ZNF727: variants seen among roughly 807,000 people sequenced by gnomAD.
ZNF727 encodes zinc finger protein 727.
Under a neutral mutation model 11.5 loss-of-function variants are expected in ZNF727, and 11 were observed. That is an observed-to-expected ratio of 0.95 (90% confidence interval 0.60 to 1.58). ZNF727 has a LOEUF of 1.58. Ranked by LOEUF, ZNF727 falls within the 40% of genes most tolerant of loss-of-function variation. The pLI, the probability that ZNF727 is intolerant of heterozygous loss-of-function variation, is 0.00. For synonymous variants in ZNF727, 171 were observed against 196.1 expected (o/e 0.87, Z 1.07); for missense variants, 533 against 581.7 (o/e 0.92, Z 0.86).
intron 1 of ZNF727, among the ~76,000 whole-genome samples, chr7:64,056,901 G>A (rs10238001): frequency 0.64 from 96,870 of 151,838 alleles, 31,669 homozygotes; most frequent in Non-Finnish European, 0.71. Flanking sequence ...GCAAACCACA[G>A]TTTTGCTCTG....
chr7:64,079,038 A>G lies in ZNF727; in HGVS notation c.*489A>G, dbSNP rs61734893. On this transcript the variant is annotated 3_prime_UTR_variant, in exon 4 of 4. Transcript: ENST00000456806. ...TTTACCTACTCCTCAATCCTTATTA[A>G]CCACAAGAGAATTCATATGGAAGAG... Among the ~76,000 whole-genome samples the G allele has an allele frequency of 0.026, 3,970 of 152,112 alleles. 129 individuals are homozygous for G. The highest frequency in any genetic ancestry group is 0.11 in the South Asian group (540 of 4,812).
At chr7:64,056,735 T>C (rs563915618) in intron 1 of ZNF727, among the ~76,000 whole-genome samples, 29 of 152,304 alleles carry the variant, frequency 1.9e-4, no homozygotes, top group African/African-American at 6.5e-4. Flanking sequence ...TCTTTCTGTT[T>C]ACTCTTTACA....
intron 1 of ZNF727, among the ~76,000 whole-genome samples, chr7:64,047,625 C>T (rs1789529462): frequency 6.6e-6 from 1 of 152,112 alleles, no homozygotes; most frequent in Non-Finnish European, 1.5e-5. Flanking sequence ...TGGGTCATCT[C>T]CTTTCAGAGA....
chr7:64,048,882 C>T (rs4621679), intron 1 of ZNF727, among the ~76,000 whole-genome samples: 101,344 of 151,994 alleles, frequency 0.67, 34,233 homozygotes, highest in Admixed American at 0.73. Flanking sequence ...TTTTTTCAAA[C>T]AGAATCTTCA....
At position 64,084,205 on chromosome 7, in the gene ZNF727, G is replaced by C. The variant is rs544046989; in HGVS notation, c.*5656G>C. On this transcript the variant is annotated 3_prime_UTR_variant, in exon 4 of 4. Transcript: ENST00000456806. ...TAAGTGACAGGGTGATAGAAGTGTG[G>C]TAAGTGATTAGGATAATATTCTGCA... 2.1e-4 allele frequency among the ~76,000 whole-genome samples: 32 copies of C among 152,256 alleles called. No homozygotes were observed. The highest frequency in any genetic ancestry group is 7.0e-4 in the African/African-American group (29 of 41,566).
At chr7:64,066,480 G>T (rs1468004843) in intron 1 of ZNF727, among the ~76,000 whole-genome samples, 1 of 132,732 alleles carries the variant, frequency 7.5e-6, no homozygotes, top group African/African-American at 3.0e-5. Context: ...CAGAACAGAG[G>T]CCTCAGAAAT....
In ZNF727 at chr7:64,079,782, T is replaced by C. The variant is rs968911769; in HGVS notation, c.*1233T>C. ...GTGGTTTGTGTACTTTAGTGTGTTT[T>C]TGTAGTGACTGTTTATAGTCTTTTT... is the stretch of plus-strand genomic sequence containing the variant. On this transcript the variant is annotated 3_prime_UTR_variant, in exon 4 of 4. Transcript: ENST00000456806. 1.3e-5 allele frequency among the ~76,000 whole-genome samples: 2 copies of C among 152,216 alleles called. No individual in the cohort carries two copies. The highest frequency in any genetic ancestry group is 2.9e-5 in the Non-Finnish European group (2 of 68,034).
chr7:64,074,733 A>C (rs13240248), intron 3 of ZNF727, among the ~76,000 whole-genome samples: 94,486 of 151,978 alleles, frequency 0.62, 30,058 homozygotes, highest in Non-Finnish European at 0.68. Flanking sequence ...TTTTAGTAGG[A>C]ACTAAGCTTA....
Position 64,081,835 on chromosome 7 carries a change from C to T in ZNF727, c.*3286C>T, listed in dbSNP as rs1039682435. 2.0e-5 allele frequency among the ~76,000 whole-genome samples: 3 copies of T among 152,192 alleles called. No individual in the cohort carries two copies. Among genetic ancestry groups the T allele is most frequent in the Non-Finnish European group, 4.4e-5 (3 of 68,044 alleles). Reference sequence around the variant, plus strand: ...AATGGCCGTCAATGGCCACACTCTACTACAGGTGCTCTTGCACTAAACCCT... The same window carrying T: ...AATGGCCGTCAATGGCCACACTCTATTACAGGTGCTCTTGCACTAAACCCT... On this transcript the variant is annotated 3_prime_UTR_variant, in exon 4 of 4. Coordinates refer to ENST00000456806, the MANE Select transcript of ZNF727 (RefSeq NM_001159522.3).
chr7:64,053,357 G>C (rs145915494), intron 1 of ZNF727, among the ~76,000 whole-genome samples: 2,897 of 152,204 alleles, frequency 0.019, 40 homozygotes, highest in Non-Finnish European at 0.033. Flanking sequence ...ATCTCACTCT[G>C]TCCCCCAGGC....
chr7:64,066,104 A>T (rs57587609), intron 1 of ZNF727, among the ~76,000 whole-genome samples: 2 of 152,302 alleles, frequency 1.3e-5, no homozygotes, highest in East Asian at 3.9e-4. Flanking sequence ...AATAAAAAAT[A>T]ATTAGAAGAG....
intron 1 of ZNF727, among the ~76,000 whole-genome samples, chr7:64,059,580 G>A (rs1296394793): frequency 2.6e-5 from 4 of 152,270 alleles, no homozygotes; most frequent in South Asian, 4.1e-4. Context: ...CAGATTAACA[G>A]TTCTTCATAA....
At chr7:64,063,737 G>T (rs745864049) in intron 1 of ZNF727, among the ~76,000 whole-genome samples, 1 of 152,214 alleles carries the variant, frequency 6.6e-6, no homozygotes, top group Admixed American at 6.5e-5. Flanking sequence ...CCCTGGGCTG[G>T]GGGTAGCAAA....
In ZNF727 at chr7:64,068,977, G is replaced by C; in HGVS notation, c.90G>C (p.Arg30Ser). The C allele has an allele frequency of 6.2e-7, 1 of 1,606,078 alleles. No individual in the cohort carries two copies. Among genetic ancestry groups the C allele is most frequent in the Non-Finnish European group, 8.5e-7 (1 of 1,175,728 alleles). Residue 30 changes from arginine to serine, a missense_variant, in exon 2 of 4, where the codon AGG becomes AGC. Physicochemically the swap from Arg to Ser is moderately radical, Grantham distance 110. Coordinates refer to ENST00000456806, the MANE Select transcript of ZNF727 (RefSeq NM_001159522.3). Reference sequence around the variant, plus strand: ...ACTCTGCTCAGCAGCGTTTGTATAGGGATGTGATGTTAGAGAACTACGGAA... The same window carrying C: ...ACTCTGCTCAGCAGCGTTTGTATAGCGATGTGATGTTAGAGAACTACGGAA... ...CLDSAQQRLYRDVMLENYGNL... is the reference protein window; with the variant it reads ...CLDSAQQRLYSDVMLENYGNL...
intron 3 of ZNF727, among the ~76,000 whole-genome samples, chr7:64,074,840 C>T (rs1300122044): frequency 6.6e-6 from 1 of 152,094 alleles, no homozygotes; most frequent in African/African-American, 2.4e-5. Flanking sequence ...TACCATAGGA[C>T]ACTGTCCAGC....
chr7:64,084,029 G>A lies in ZNF727; in HGVS notation c.*5480G>A, dbSNP rs1486522064. ...ATTTATGTGAAAGAACATGGTCAAT[G>A]GTTGCTGCACCAGAGTTAGGAGAAG... On this transcript the variant is annotated 3_prime_UTR_variant, in exon 4 of 4. Transcript: ENST00000456806. 2.0e-5 allele frequency among the ~76,000 whole-genome samples: 3 copies of A among 152,128 alleles called. No homozygotes were observed. Among genetic ancestry groups the A allele is most frequent in the Non-Finnish European group, 2.9e-5 (2 of 68,034 alleles).
chr7:64,050,074 T>C (rs1789567151), intron 1 of ZNF727, among the ~76,000 whole-genome samples: 2 of 151,696 alleles, frequency 1.3e-5, no homozygotes, highest in Admixed American at 6.6e-5. Context: ...TATTTTTCTA[T>C]ATATATATAT....
rs1345084554 is a variant in ZNF727, at chr7:64,068,936, G to C, written c.49G>C (p.Glu17Gln). ...TGTGGCTGTAGAATTCTCCCCAGAA[G>C]AGTGGGAATGCCTGGACTCTGCTCA... ...RDVAVEFSPE[E>Q]WECLDSAQQR... The change falls in exon 2 of 4, where the codon GAG becomes CAG. Residue 17 changes from glutamate (E) to glutamine (Q), a missense_variant. Glu to Gln is a conservative substitution (Grantham distance 29). Transcript: ENST00000456806. 6.2e-7 allele frequency: 1 copy of C among 1,605,700 alleles called. No individual in the cohort carries two copies. The highest frequency in any genetic ancestry group is 1.7e-5 in the Admixed American group (1 of 58,850).
chr7:64,067,264 G>C (rs149538095), intron 1 of ZNF727, among the ~76,000 whole-genome samples: 32 of 152,272 alleles, frequency 2.1e-4, no homozygotes, highest in African/African-American at 7.5e-4. Flanking sequence ...AGGATGTGGA[G>C]AAATAGGAAC....
Sources: allele counts gnomAD v4.1 joint callset (sites outside exome capture counted in the v4.1 genomes callset), GRCh38; gene constraint gnomAD v4.1.1; transcripts MANE v1.5; gene names NCBI Gene and HGNC (gene_info 2026-07-23, HGNC 2026-07-21).